ABCF1: variants seen among roughly 807,000 people sequenced by gnomAD.
ABCF1 encodes ATP binding cassette subfamily F member 1, also known as ATP-binding cassette sub-family F member 1.
A neutral mutation model predicts 126.3 loss-of-function variants in ABCF1; 73 were observed. The observed-to-expected ratio is 0.58, with a 90% CI of 0.48 to 0.70. ABCF1 has a LOEUF of 0.70. Among genes scored for constraint, ABCF1 ranks in the 30% least tolerant of loss-of-function variants. ABCF1 has a pLI of 0.00. For missense variants in ABCF1, 786 were observed against 1,057.5 expected, an observed-to-expected ratio of 0.74 and a Z score of 3.56; for synonymous variants, 345 against 396.4, an observed-to-expected ratio of 0.87 and a Z score of 1.54.
rs1355026401 is a variant in ABCF1, at chr6:30,586,152, G to T, written c.1732G>T (p.Ala578Ser). The part of the protein sequence containing the change: ...TKQAEKQTKE[A>S]LTRKQQKCRR... ...TCTCCAGGAAAAACAAACGAAGGAA[G>T]CCCTGACTCGGAAGCAGCAGAAATG... Residue 578 changes from alanine to serine, a missense_variant, in exon 18 of 25, where the codon GCC becomes TCC. Physicochemically the swap from Ala to Ser is moderately conservative, Grantham distance 99. Coordinates refer to ENST00000326195, the MANE Select transcript of ABCF1 (RefSeq NM_001025091.2). The surrounding 1 kb of genome is among the most constrained non-coding windows in gnomAD (Gnocchi z 4.9). 6.2e-7 allele frequency: 1 copy of T among 1,612,820 alleles called. No homozygotes were observed. The highest frequency in any genetic ancestry group is 8.5e-7 in the Non-Finnish European group (1 of 1,179,580).
At position 30,571,453 on chromosome 6, in the gene ABCF1, CG is replaced by C; in HGVS notation, c.-32del. ...CCGCCGCCGGAAGCGGAAATAGCAC[CG>C]GGCGCCGCCACAGTAGCTGTAACTG... is the stretch of plus-strand genomic sequence containing the variant. On this transcript the variant is annotated 5_prime_UTR_variant, in exon 1 of 25. Transcript: ENST00000326195. 1.3e-6 allele frequency: 2 copies of C among 1,590,046 alleles called. No homozygotes were observed. The highest frequency in any genetic ancestry group is 1.7e-6 in the Non-Finnish European group (2 of 1,168,606).
intron 20 of ABCF1, among the ~76,000 whole-genome samples, chr6:30,587,131 A>G (rs1802184557): frequency 6.6e-6 from 1 of 151,942 alleles, no homozygotes; most frequent in Non-Finnish European, 1.5e-5. Context: ...GCGCGCACCT[A>G]TATCCTAGCT....
At chr6:30,580,124 A>T in intron 7 of ABCF1, 119 bp downstream of exon 7, 1 of 956,252 alleles carries the variant, frequency 1.0e-6, no homozygotes, top group Non-Finnish European at 1.6e-6. Flanking sequence ...AGGTGGGCGG[A>T]TCACGAGGTC....
chr6:30,581,052 C>CT (rs1004560895), intron 8 of ABCF1, among the ~76,000 whole-genome samples: 134 of 144,566 alleles, frequency 9.3e-4, no homozygotes, highest in Middle Eastern at 7.2e-3. Flanking sequence ...ATCACATATT[C>CT]TTTTTTTTTT....
Position 30,586,404 on chromosome 6 carries a change from A to G in ABCF1, c.1886-70A>G. 6.2e-6 allele frequency: 10 copies of G among 1,608,454 alleles called. No individual in the cohort carries two copies. The highest frequency in any genetic ancestry group is 6.0e-6 in the Non-Finnish European group (7 of 1,175,968). On this transcript the variant is annotated intron_variant, in intron 18 of 24. Transcript: ENST00000326195. This position sits in a 1 kb window ranked among gnomAD's most constrained non-coding sequence, Gnocchi z 4.9. ...AGGCTGAGATTGCTCCTGTTCTCCA[A>G]GGCCAGCACATGAGAGGGACTTTGC...
chr6:30,579,430 G>T lies in ABCF1; in HGVS notation c.490-501G>T, dbSNP rs1245671755. Reference sequence around the variant, plus strand: ...TCAACTCATGATGGGATTATATCCAGATAAACCCATCATAAGTTGGAACTA... The same window carrying T: ...TCAACTCATGATGGGATTATATCCATATAAACCCATCATAAGTTGGAACTA... On this transcript the variant is annotated intron_variant, in intron 6 of 24. Transcript: ENST00000326195. Among the ~76,000 whole-genome samples the T allele has an allele frequency of 1.8e-4, 27 of 150,534 alleles. No individual in the cohort carries two copies. In the South Asian group the frequency reaches 5.0e-3, roughly 28 times the overall value.
chr6:30,586,418 G>A lies in ABCF1; in HGVS notation c.1886-56G>A. ...CCTGTTCTCCAAGGCCAGCACATGA[G>A]AGGGACTTTGCAGGGACTGAAAAGA... On this transcript the variant is annotated intron_variant, in intron 18 of 24. Coordinates refer to ENST00000326195, the MANE Select transcript of ABCF1 (RefSeq NM_001025091.2). This position sits in a 1 kb window ranked among gnomAD's most constrained non-coding sequence, Gnocchi z 4.9. 1 of 1,611,374 alleles carries A rather than the reference G, an allele frequency of 6.2e-7. No homozygotes were observed. The highest frequency in any genetic ancestry group is 8.5e-7 in the Non-Finnish European group (1 of 1,177,700).
rs574069950 is a variant in ABCF1, at chr6:30,587,619, G to C, written c.2031+908G>C. ...TATTGCACTCCAGCCTGGGCAACAA[G>C]AGCAAAACTCCGTCTAAAAAAAAAA... On this transcript the variant is annotated intron_variant, in intron 20 of 24. Coordinates refer to ENST00000326195, the MANE Select transcript of ABCF1 (RefSeq NM_001025091.2). 2.5e-3 allele frequency among the ~76,000 whole-genome samples: 380 copies of C among 150,874 alleles called. 1 individual carries two copies. The highest frequency in any genetic ancestry group is 8.9e-3 in the African/African-American group (365 of 41,030).
In ABCF1 at chr6:30,590,625, A is replaced by C. The variant is rs143181701; in HGVS notation, c.2462A>C (p.Asp821Ala). 9.5e-4 allele frequency: 1,536 copies of C among 1,612,986 alleles called. 12 individuals are homozygous for C. In the African/African-American group the frequency reaches 0.018, roughly 19 times the overall value. Residue 821 changes from aspartate to alanine, a missense_variant, in exon 25 of 25, where the codon GAT becomes GCT. Transcript: ENST00000326195. ...GAGGAGCAGAGTGTTAGCCAAATCG[A>C]TGGTGACTTTGAAGACTACAAGCGG... ...VVEEQSVSQI[D>A]GDFEDYKREV...
intron 1 of ABCF1, among the ~76,000 whole-genome samples, chr6:30,572,848 G>T (rs1013496873): frequency 6.6e-6 from 1 of 152,174 alleles, no homozygotes; most frequent in Admixed American, 6.5e-5. Context: ...AAGGGGAAGC[G>T]CATTCCAAGC....
At chr6:30,580,102 T>C in intron 7 of ABCF1, 97 bp downstream of exon 7, 2 of 1,239,534 alleles carry the variant, frequency 1.6e-6, no homozygotes, top group Non-Finnish European at 2.3e-6. Context: ...ATCCCAGCAC[T>C]TTGGGAGGCC....
chr6:30,575,408 G>C (rs1398608159), intron 1 of ABCF1, among the ~76,000 whole-genome samples: 1 of 151,690 alleles, frequency 6.6e-6, no homozygotes, highest in Non-Finnish European at 1.5e-5. Context: ...AATGCTTAAG[G>C]GTAGAATTAG....
intron 23 of ABCF1, 28 bp from the exon 24 acceptor site, chr6:30,590,278 G>C (rs1206248787): frequency 6.2e-7 from 1 of 1,612,074 alleles, no homozygotes; most frequent in East Asian, 2.2e-5. Flanking sequence ...GAGTTGCAGT[G>C]CTCAGTCATG....
chr6:30,588,011 T>C (rs1802243853), intron 20 of ABCF1, among the ~76,000 whole-genome samples: 1 of 151,984 alleles, frequency 6.6e-6, no homozygotes, highest in African/African-American at 2.4e-5. Flanking sequence ...CAAGATATTC[T>C]CCTGCCTCAG....
chr6:30,584,243 C>A lies in ABCF1; in HGVS notation c.1154C>A (p.Thr385Asn), dbSNP rs913097984. 7.4e-6 allele frequency: 12 copies of A among 1,612,958 alleles called. No individual in the cohort carries two copies. The highest frequency in any genetic ancestry group is 8.5e-6 in the Non-Finnish European group (10 of 1,180,040). Residue 385 changes from threonine to asparagine, a missense_variant, in exon 13 of 25, where the codon ACC becomes AAC. Thr to Asn is a moderately conservative substitution (Grantham distance 65). This residue lies in a region of ABCF1 where 163 missense variants were observed against 255.3 expected (regional missense o/e 0.64). Transcript: ENST00000326195. The surrounding 1 kb of genome is among the most constrained non-coding windows in gnomAD (Gnocchi z 4.6). ...GTCCAGGCTGTTCTTCGAGCTGACA[C>A]CAAGCGATTGAAGCTGCTGGAAGAG... ...PAVQAVLRAD[T>N]KRLKLLEEER...
chr6:30,579,703 G>A (rs924787671), intron 6 of ABCF1, among the ~76,000 whole-genome samples: 2 of 152,002 alleles, frequency 1.3e-5, no homozygotes, highest in Admixed American at 6.6e-5. Flanking sequence ...TGATCCACCT[G>A]CCTTGGCCTC....
chr6:30,583,740 G>A lies in ABCF1; in HGVS notation c.1016+32G>A. 1 of 1,613,698 alleles carries A rather than the reference G, an allele frequency of 6.2e-7. No individual in the cohort carries two copies. The highest frequency in any genetic ancestry group is 8.5e-7 in the Non-Finnish European group (1 of 1,179,620). On this transcript the variant is annotated intron_variant, in intron 11 of 24. Coordinates refer to ENST00000326195, the MANE Select transcript of ABCF1 (RefSeq NM_001025091.2). This position sits in a 1 kb window ranked among gnomAD's most constrained non-coding sequence, Gnocchi z 4.1. ...AGAGGAGGGAGCTGGAGGCAAAAAA[G>A]GGCCTGGAGGGAAAAGAAGAGATTT...
rs1021649525 is a variant in ABCF1, at chr6:30,590,668, G to A, written c.2505G>A (p.Leu835=). The A allele has an allele frequency of 3.7e-6, 6 of 1,608,886 alleles. No individual in the cohort carries two copies. Among genetic ancestry groups the A allele is most frequent in the Admixed American group, 3.4e-5 (2 of 59,274 alleles). The change falls in exon 25 of 25, where the codon CTG becomes CTA. Residue 835 remains leucine (L), a synonymous_variant. Transcript: ENST00000326195. ...ACAAGCGGGAGGTGTTGGAGGCCCT[G>A]GGTGAAGTCATGGTCAGCCGGCCCC... The part of the protein sequence containing the change: ...EDYKREVLEA[L]GEVMVSRPRE
Position 30,574,710 on chromosome 6 carries a change from TGTTTGTTTTTTGTG to T in ABCF1, c.74-2686_74-2673del, listed in dbSNP as rs1447859153. 1.3e-5 allele frequency among the ~76,000 whole-genome samples: 2 copies of T among 152,182 alleles called. No individual in the cohort carries two copies. The highest frequency in any genetic ancestry group is 6.5e-5 in the Admixed American group (1 of 15,274). ...TCAGATTTTTTTTCTTTAACTTTTT[TGTTTGTTTTTTGTG>T]GTTTGTTTTTTGGGGAGGAGGAGGG... is the stretch of plus-strand genomic sequence containing the variant. On this transcript the variant is annotated intron_variant, in intron 1 of 24. Transcript: ENST00000326195. The surrounding 1 kb of genome is among the most constrained non-coding windows in gnomAD (Gnocchi z 4.3).
Sources: gnomAD v4.1 joint callset for allele counts (sites outside exome capture counted in the v4.1 genomes callset) on GRCh38, gnomAD v4.1.1 for gene constraint, gnomAD v4.1.1 regional missense constraint, Gnocchi (gnomAD v3.1) non-coding constraint, MANE v1.5 for transcripts, NCBI Gene and HGNC (gene_info 2026-07-23, HGNC 2026-07-21) for gene names.